Variants in ACER3 observed in about 807,000 individuals in gnomAD.
The protein encoded by ACER3 is alkaline ceramidase 3.
Under a neutral mutation model 48.9 loss-of-function variants are expected in ACER3, and 16 were observed. The observed-to-expected ratio is 0.33, with a 90% CI of 0.22 to 0.50. The LOEUF is 0.50. Ranked by LOEUF, ACER3 falls within the 20% of genes least tolerant of loss-of-function variation. The pLI, the probability that ACER3 is intolerant of heterozygous loss-of-function variation, is 0.98. For missense variants in ACER3, 227 were observed against 326.0 expected (o/e 0.70, Z 2.34); for synonymous variants, 109 against 107.8 (o/e 1.01, Z -0.07).
chr11:76,915,715 C>T (rs1339624062), intron 1 of ACER3, among the ~76,000 whole-genome samples: 5 of 152,226 alleles, frequency 3.3e-5, no homozygotes, highest in Non-Finnish European at 7.3e-5. Flanking sequence ...CTCACAGTTC[C>T]ACATGGCTGG....
intron 1 of ACER3, among the ~76,000 whole-genome samples, chr11:76,883,632 A>C (rs1452238925): frequency 1.3e-5 from 2 of 151,800 alleles, no homozygotes; most frequent in Non-Finnish European, 2.9e-5. Flanking sequence ...TTTAGTAGAG[A>C]CGGAGTTTCG....
chr11:76,875,044 T>G (rs1945333969), intron 1 of ACER3, among the ~76,000 whole-genome samples: 1 of 151,376 alleles, frequency 6.6e-6, no homozygotes. Flanking sequence ...TCTGTTTCCC[T>G]TTGAGGACTT....
chr11:76,972,965 T>C (rs1038654846), intron 3 of ACER3, among the ~76,000 whole-genome samples: 9 of 152,272 alleles, frequency 5.9e-5, no homozygotes, highest in Admixed American at 1.3e-4. Flanking sequence ...CAGTAACTGA[T>C]GGTTCCTATA....
intron 1 of ACER3, among the ~76,000 whole-genome samples, chr11:76,868,691 A>C (rs1159459136): frequency 2.0e-5 from 3 of 152,186 alleles, no homozygotes; most frequent in Non-Finnish European, 4.4e-5. Flanking sequence ...GAATCTGAAC[A>C]GACAGGCTTT....
chr11:76,916,730 T>G lies in ACER3; in HGVS notation c.104-9827T>G, dbSNP rs139336822. Among the ~76,000 whole-genome samples, 536 of 152,314 alleles carry G rather than the reference T, an allele frequency of 3.5e-3. 6 individuals are homozygous for G. The South Asian group carries it at 0.038, about 11-fold the overall frequency. On this transcript the variant is annotated intron_variant, in intron 1 of 10. Transcript: ENST00000532485. ...ATTACTGAACATAGTTTGGAAACTT[T>G]CCCTTTTTGACCTTTGAATAAATCA...
intron 3 of ACER3, among the ~76,000 whole-genome samples, chr11:76,972,995 G>A (rs1287875299): frequency 6.6e-6 from 1 of 152,236 alleles, no homozygotes; most frequent in Non-Finnish European, 1.5e-5. Flanking sequence ...GGACTTCTGG[G>A]CTTCCAGTGC....
At chr11:76,926,494 A>C in intron 1 of ACER3, 63 bp from the exon 2 acceptor site, 1 of 938,414 alleles carries the variant, frequency 1.1e-6, no homozygotes, top group Non-Finnish European at 1.7e-6. Flanking sequence ...GCCTACGTGA[A>C]TGTATCTTTA....
chr11:77,005,618 A>G (rs1372717361), intron 7 of ACER3, among the ~76,000 whole-genome samples: 2 of 151,874 alleles, frequency 1.3e-5, no homozygotes, highest in African/African-American at 4.8e-5. Context: ...CCTAGCTTCT[A>G]GTAGTTTGGT....
chr11:76,933,786 T>C (rs1274441644), intron 2 of ACER3, among the ~76,000 whole-genome samples: 1 of 152,212 alleles, frequency 6.6e-6, no homozygotes, highest in East Asian at 1.9e-4. Flanking sequence ...CCGTTCTCAA[T>C]GAGCTGTTGG....
In ACER3 at chr11:77,022,327, A is replaced by C. The variant is rs138564203; in HGVS notation, c.*2000A>C. On this transcript the variant is annotated 3_prime_UTR_variant, in exon 11 of 11. Coordinates refer to ENST00000532485, the MANE Select transcript of ACER3 (RefSeq NM_018367.7). ...TTTAATGAGTGGTTCAGCCATCACC[A>C]CCAGTGGCCACCTGTTCAATAAAAT... is the stretch of plus-strand genomic sequence containing the variant. The C allele has an allele frequency of 1.3e-5, 2 of 152,284 alleles. No individual in the cohort carries two copies. Among genetic ancestry groups the C allele is most frequent in the African/African-American group, 4.8e-5 (2 of 41,564 alleles). The allele number at this position is 152,284 out of a possible 1,614,324, so 9.4% of individuals were successfully genotyped here. A position where few individuals can be genotyped will look rare whatever the true frequency, so the allele number is the denominator to read the frequency against.
At chr11:76,943,275 A>G (rs1565191210) in intron 2 of ACER3, among the ~76,000 whole-genome samples, 1 of 151,844 alleles carries the variant, frequency 6.6e-6, no homozygotes, top group Admixed American at 6.6e-5. Flanking sequence ...TGATCTTTCT[A>G]CTTTTTTGAT....
At chr11:76,861,218 G>T in intron 1 of ACER3, 139 bp downstream of exon 1, 1 of 781,874 alleles carries the variant, frequency 1.3e-6, no homozygotes. Flanking sequence ...CGGCGCCCTG[G>T]GCCAGCGGGA....
At chr11:76,930,570 T>G (rs965141497) in intron 2 of ACER3, among the ~76,000 whole-genome samples, 11 of 152,100 alleles carry the variant, frequency 7.2e-5, no homozygotes, top group Non-Finnish European at 1.6e-4. Context: ...GGTGTCAGTT[T>G]TAGATCTTTC....
chr11:76,869,238 G>C (rs946557351), intron 1 of ACER3, among the ~76,000 whole-genome samples: 2 of 152,114 alleles, frequency 1.3e-5, no homozygotes, highest in African/African-American at 4.8e-5. Context: ...AGAACTGATT[G>C]GGTTTCCCCA....
intron 7 of ACER3, among the ~76,000 whole-genome samples, chr11:77,005,253 T>C (rs190332174): frequency 6.6e-6 from 1 of 152,280 alleles, no homozygotes; most frequent in Non-Finnish European, 1.5e-5. Context: ...GCCAGGATGG[T>C]CTCGATCTCC....
intron 2 of ACER3, among the ~76,000 whole-genome samples, chr11:76,927,134 A>T (rs1946850368): frequency 6.6e-6 from 1 of 152,218 alleles, no homozygotes; most frequent in Admixed American, 6.5e-5. Flanking sequence ...CTATGTATGT[A>T]TATATCCTTA....
At chr11:76,896,216 G>T (rs143578097) in intron 1 of ACER3, among the ~76,000 whole-genome samples, 48 of 152,308 alleles carry the variant, frequency 3.2e-4, no homozygotes, top group Admixed American at 3.1e-3. Flanking sequence ...TATTTCAACT[G>T]TTCAAATTCT....
intron 2 of ACER3, among the ~76,000 whole-genome samples, chr11:76,950,019 T>C (rs936620876): frequency 6.6e-6 from 1 of 152,148 alleles, no homozygotes; most frequent in African/African-American, 2.4e-5. Context: ...GAACTCTGCA[T>C]TGCTATCACT....
intron 1 of ACER3, among the ~76,000 whole-genome samples, chr11:76,905,855 A>G (rs1211554828): frequency 6.6e-6 from 1 of 152,268 alleles, no homozygotes; most frequent in Non-Finnish European, 1.5e-5. Context: ...CAAGAAAACA[A>G]AGCAAAACTA....
Sources: allele counts gnomAD v4.1 joint callset (sites outside exome capture counted in the v4.1 genomes callset), GRCh38; gene constraint gnomAD v4.1.1; transcripts MANE v1.5; gene names NCBI Gene and HGNC (gene_info 2026-07-23, HGNC 2026-07-21).